CAMKMT: variants seen among roughly 807,000 people sequenced by gnomAD.
CAMKMT encodes the protein calmodulin-lysine N-methyltransferase.
CAMKMT carries 53 observed loss-of-function variants against 48.0 expected under a neutral mutation model. The ratio of observed to expected loss-of-function variants is 1.10; its 90% confidence interval spans 0.89 to 1.39. The LOEUF (loss-of-function observed/expected upper bound fraction) is 1.39. Among genes scored for constraint, CAMKMT ranks in the 40% most tolerant of loss-of-function variants. The pLI is 0.00. For missense variants in CAMKMT, 428 were observed against 402.7 expected (o/e 1.06, Z -0.54); for synonymous variants, 165 against 152.3 (o/e 1.08, Z -0.61).
chr2:44,444,231 C>T (rs1251977604), intron 3 of CAMKMT, among the ~76,000 whole-genome samples: 2 of 152,202 alleles, frequency 1.3e-5, no homozygotes, highest in Non-Finnish European at 2.9e-5. Context: ...GCATTAAATT[C>T]AGTCCTGCCT....
chr2:44,395,979 A>G (rs1269576469), intron 3 of CAMKMT, among the ~76,000 whole-genome samples: 1 of 152,164 alleles, frequency 6.6e-6, no homozygotes, highest in Admixed American at 6.5e-5. Context: ...ACCTAAATAT[A>G]TGTGACTTAA....
intron 3 of CAMKMT, among the ~76,000 whole-genome samples, chr2:44,560,157 TA>T (rs1668245729): frequency 6.6e-6 from 1 of 152,228 alleles, no homozygotes; most frequent in African/African-American, 2.4e-5. Context: ...GAGTTTCTGT[TA>T]GGAAAAATTG....
chr2:44,529,454 A>G (rs564239322), intron 3 of CAMKMT, among the ~76,000 whole-genome samples: 92 of 152,198 alleles, frequency 6.0e-4, no homozygotes, highest in Non-Finnish European at 7.9e-4. Context: ...ACAGGGGTTT[A>G]TTTATGCATA....
At chr2:44,736,790 C>G (rs1679378554) in intron 7 of CAMKMT, among the ~76,000 whole-genome samples, 1 of 152,068 alleles carries the variant, frequency 6.6e-6, no homozygotes, top group Non-Finnish European at 1.5e-5. Flanking sequence ...TGCTGTTAAT[C>G]TTATCCAATG....
At chr2:44,559,871 G>C (rs964099968) in intron 3 of CAMKMT, among the ~76,000 whole-genome samples, 30 of 152,056 alleles carry the variant, frequency 2.0e-4, no homozygotes, top group Non-Finnish European at 2.8e-4. Flanking sequence ...TTTTGTTTAA[G>C]ATAAAAAAGC....
chr2:44,728,456 C>G (rs1678906940), intron 7 of CAMKMT, among the ~76,000 whole-genome samples: 1 of 152,168 alleles, frequency 6.6e-6, no homozygotes. Flanking sequence ...GGAGGAGCCC[C>G]TCCTCCTCAA....
chr2:44,658,619 G>A (rs1674506758), intron 3 of CAMKMT, among the ~76,000 whole-genome samples: 1 of 152,154 alleles, frequency 6.6e-6, no homozygotes, highest in Non-Finnish European at 1.5e-5. Context: ...TATAACCGTA[G>A]ACAATCTATC....
intron 3 of CAMKMT, among the ~76,000 whole-genome samples, chr2:44,563,840 G>GT (rs1228563758): frequency 6.6e-6 from 1 of 152,162 alleles, no homozygotes; most frequent in Admixed American, 6.5e-5. Context: ...ATTCCGTGGT[G>GT]TATATGTGCC....
At chr2:44,510,951 C>T (rs1670515242) in intron 3 of CAMKMT, among the ~76,000 whole-genome samples, 1 of 151,990 alleles carries the variant, frequency 6.6e-6, no homozygotes, top group Non-Finnish European at 1.5e-5. Flanking sequence ...AGTGATTCTC[C>T]TGCCTCAGCC....
At chr2:44,585,958 G>C (rs1669833759) in intron 3 of CAMKMT, among the ~76,000 whole-genome samples, 1 of 152,194 alleles carries the variant, frequency 6.6e-6, no homozygotes, top group Non-Finnish European at 1.5e-5. Flanking sequence ...ACAACTCTCA[G>C]ACTGTTCTAA....
chr2:44,687,654 A>G (rs1252531818), intron 3 of CAMKMT, among the ~76,000 whole-genome samples: 1 of 152,244 alleles, frequency 6.6e-6, no homozygotes, highest in Admixed American at 6.5e-5. Context: ...AAAACCTATT[A>G]TAATGCATCT....
chr2:44,381,383 T>G (rs1680225127), intron 2 of CAMKMT, among the ~76,000 whole-genome samples: 1 of 152,152 alleles, frequency 6.6e-6, no homozygotes, highest in Admixed American at 6.5e-5. Flanking sequence ...TTCATCCTGA[T>G]ATATGAGAGA....
chr2:44,618,110 G>A lies in CAMKMT; in HGVS notation c.377-86173G>A, dbSNP rs898453658. On this transcript the variant is annotated intron_variant, in intron 3 of 10. Coordinates refer to ENST00000378494, the MANE Select transcript of CAMKMT (RefSeq NM_024766.5). This position sits in a 1 kb window ranked among gnomAD's most constrained non-coding sequence, Gnocchi z 4.0. Reference sequence around the variant, plus strand: ...TTTTCATTTAAAAGTAAAAAATGATGTTCTCTGCTTCAAGCAGCAGGTGTG... The same window carrying A: ...TTTTCATTTAAAAGTAAAAAATGATATTCTCTGCTTCAAGCAGCAGGTGTG... 6.6e-6 allele frequency among the ~76,000 whole-genome samples: 1 copy of A among 152,152 alleles called. No homozygotes were observed. Among genetic ancestry groups the A allele is most frequent in the Non-Finnish European group, 1.5e-5 (1 of 68,016 alleles).
intron 3 of CAMKMT, among the ~76,000 whole-genome samples, chr2:44,406,857 C>A (rs1392590355): frequency 3.3e-5 from 5 of 152,228 alleles, no homozygotes; most frequent in Admixed American, 3.3e-4. Flanking sequence ...CCCACCACAC[C>A]ACATCTTCCC....
intron 3 of CAMKMT, among the ~76,000 whole-genome samples, chr2:44,455,243 T>G (rs1439404316): frequency 6.6e-6 from 1 of 152,066 alleles, no homozygotes; most frequent in Non-Finnish European, 1.5e-5. Context: ...AGCCTAGAGA[T>G]AGATTTTTTT....
intron 3 of CAMKMT, among the ~76,000 whole-genome samples, chr2:44,639,539 G>C (rs1194783029): frequency 6.6e-6 from 1 of 152,196 alleles, no homozygotes; most frequent in Non-Finnish European, 1.5e-5. Context: ...GTTGTAATGA[G>C]TTATAATCAG....
chr2:44,447,214 G>C (rs9808415), intron 3 of CAMKMT, among the ~76,000 whole-genome samples: 4,345 of 152,264 alleles, frequency 0.029, 203 homozygotes, highest in African/African-American at 0.099. Flanking sequence ...AGGACATTTG[G>C]CTAGTAAATA....
intron 8 of CAMKMT, among the ~76,000 whole-genome samples, chr2:44,753,128 C>T (rs1024425559): frequency 6.6e-6 from 1 of 151,590 alleles, no homozygotes; most frequent in African/African-American, 2.4e-5. Flanking sequence ...AAACATGAAC[C>T]TGGGTTGGGT....
chr2:44,394,512 C>T (rs1328193798), intron 3 of CAMKMT, among the ~76,000 whole-genome samples: 1 of 152,030 alleles, frequency 6.6e-6, no homozygotes, highest in African/African-American at 2.4e-5. Flanking sequence ...ACTGCAACCT[C>T]TGCCTCCCAG....
Sources: gnomAD v4.1 joint callset for allele counts (sites outside exome capture counted in the v4.1 genomes callset) on GRCh38, gnomAD v4.1.1 for gene constraint, Gnocchi (gnomAD v3.1) non-coding constraint, MANE v1.5 for transcripts, NCBI Gene and HGNC (gene_info 2026-07-23, HGNC 2026-07-21) for gene names.